Variants in MYO5B observed in about 807,000 individuals in gnomAD.
The protein encoded by MYO5B is myosin VB, also known as unconventional myosin-Vb.
MYO5B carries 143 observed loss-of-function variants against 229.3 expected under a neutral mutation model. That is an observed-to-expected ratio of 0.62 (90% CI 0.54 to 0.72). The LOEUF is 0.72. Ranked by LOEUF, MYO5B falls within the 30% of genes least tolerant of loss-of-function variation. MYO5B has a pLI of 0.00. For synonymous variants in MYO5B, 918 were observed against 885.2 expected, an observed-to-expected ratio of 1.04 and a Z score of -0.66; for missense variants, 2,321 against 2,331.0, an observed-to-expected ratio of 1.00 and a Z score of 0.09.
intron 16 of MYO5B, among the ~76,000 whole-genome samples, chr18:49,930,574 A>C (rs1045645907): frequency 6.6e-6 from 1 of 152,192 alleles, no homozygotes; most frequent in Non-Finnish European, 1.5e-5. Context: ...CAATTGTCTG[A>C]GGTTGTTAAA....
At chr18:49,886,230 C>T (rs74727961) in intron 22 of MYO5B, among the ~76,000 whole-genome samples, 2,103 of 152,236 alleles carry the variant, frequency 0.014, 43 homozygotes, top group African/African-American at 0.048. Flanking sequence ...TATGAGCCAC[C>T]GGCACCTGAC....
At chr18:49,876,569 C>G (rs940825384) in intron 25 of MYO5B, among the ~76,000 whole-genome samples, 9 of 152,222 alleles carry the variant, frequency 5.9e-5, no homozygotes, top group Non-Finnish European at 1.5e-5. Context: ...GTTTAACCAG[C>G]ACTGGACCAG....
At chr18:49,952,133 C>T (rs1974410) in intron 14 of MYO5B, among the ~76,000 whole-genome samples, 53,499 of 152,160 alleles carry the variant, frequency 0.35, 10,518 homozygotes, top group Middle Eastern at 0.58. Context: ...CCCCTCACCA[C>T]GTGATAGAAC....
In MYO5B at chr18:49,984,761, A is replaced by G; in HGVS notation, c.903T>C (p.Asp301=). The G allele has an allele frequency of 1.2e-6, 2 of 1,613,974 alleles. No individual in the cohort carries two copies. The highest frequency in any genetic ancestry group is 2.2e-5 in the South Asian group (2 of 91,074). Residue 301 remains aspartate (D), a synonymous_variant, in exon 8 of 40, where the codon GAT becomes GAC. Transcript: ENST00000285039. ...GGDTSIEGVD[D]AEDFEKTRQA... is the part of the protein sequence containing the mutation. ...GTCGAGTCTTCTCAAAGTCCTCAGC[A>G]TCGTCCACACCCTCGATGGAAGTGT...
In MYO5B at chr18:50,183,333, ATATATC is replaced by A. The variant is rs1251324944; in HGVS notation, c.27+11428_27+11433del. On this transcript the variant is annotated intron_variant, in intron 1 of 39. Coordinates refer to ENST00000285039, the MANE Select transcript of MYO5B (RefSeq NM_001080467.3). ...TATATATATATATATATATATATAT[ATATATC>A]TCCTTCAATACTATTCATTTTGTTT... Among the ~76,000 whole-genome samples, 79 of 116,568 alleles carry A rather than the reference ATATATC, an allele frequency of 6.8e-4. No homozygotes were observed. The East Asian group carries it at 8.5e-3, about 13-fold the overall frequency. 76.5% of individuals were successfully genotyped at this position (116,568 alleles called of 152,430 possible).
At chr18:49,852,431 G>C (rs1205475257) in intron 31 of MYO5B, among the ~76,000 whole-genome samples, 1 of 152,234 alleles carries the variant, frequency 6.6e-6, no homozygotes, top group Non-Finnish European at 1.5e-5. Context: ...AAGAGAGGGA[G>C]AGAGAGGGAG....
intron 7 of MYO5B, among the ~76,000 whole-genome samples, chr18:49,988,555 C>T (rs1279162971): frequency 2.6e-5 from 4 of 152,144 alleles, no homozygotes; most frequent in Non-Finnish European, 4.4e-5. Flanking sequence ...GGATTTCTTC[C>T]CCATTACCTT....
chr18:50,027,384 C>T (rs916219386), intron 4 of MYO5B, among the ~76,000 whole-genome samples: 19 of 152,158 alleles, frequency 1.2e-4, no homozygotes, highest in African/African-American at 4.6e-4. Context: ...ATGTTCAGTG[C>T]TCCAATACTT....
intron 2 of MYO5B, among the ~76,000 whole-genome samples, chr18:50,041,076 G>A (rs1275119755): frequency 6.6e-6 from 1 of 152,150 alleles, no homozygotes; most frequent in Non-Finnish European, 1.5e-5. Flanking sequence ...ATTTAAACAG[G>A]AGGAACTTGG....
intron 14 of MYO5B, among the ~76,000 whole-genome samples, chr18:49,941,343 G>A (rs186541310): frequency 6.6e-6 from 1 of 152,286 alleles, no homozygotes; most frequent in Admixed American, 6.5e-5. Flanking sequence ...CATTCTCACT[G>A]CTGGCTATTC....
intron 22 of MYO5B, among the ~76,000 whole-genome samples, chr18:49,893,046 C>T (rs2024733581): frequency 6.6e-6 from 1 of 152,172 alleles, no homozygotes; most frequent in Non-Finnish European, 1.5e-5. Context: ...CTCTGTTTTG[C>T]TCCTCCAATG....
intron 1 of MYO5B, chr18:50,097,186 T>A (rs2031567626): frequency 4.4e-6 from 2 of 454,958 alleles, no homozygotes; most frequent in African/African-American, 4.0e-5. Flanking sequence ...TTTCCTCCCA[T>A]CCCCATTCCC....
intron 5 of MYO5B, among the ~76,000 whole-genome samples, chr18:49,996,905 TA>T (rs2025993872): frequency 6.6e-6 from 1 of 152,214 alleles, no homozygotes; most frequent in African/African-American, 2.4e-5. Flanking sequence ...AAACAGGAGA[TA>T]AGATTGGTAA....
At chr18:49,882,212 G>C (rs572680077) in intron 22 of MYO5B, among the ~76,000 whole-genome samples, 2 of 152,072 alleles carry the variant, frequency 1.3e-5, no homozygotes, top group Admixed American at 6.6e-5. Context: ...TGGCTGATCC[G>C]TCACCATTCC....
chr18:50,124,220 G>A (rs537968376), intron 1 of MYO5B, among the ~76,000 whole-genome samples: 4 of 152,330 alleles, frequency 2.6e-5, no homozygotes, highest in Admixed American at 1.3e-4. Flanking sequence ...AGTGCAGAGA[G>A]GTTCTGGTAA....
Position 49,992,430 on chromosome 18 carries a change from G to T in MYO5B, c.614C>A (p.Ala205Asp). Reference protein sequence around the residue: ...KVLASSPIMEAIGNAKTTRND... With the variant: ...KVLASSPIMEDIGNAKTTRND... ...GCGGGTGGTCTTGGCATTTCCAATG[G>T]CCTGCACAGACCAGACAGACAAAGG... Residue 205 changes from alanine to aspartate, a missense_variant and splice_region_variant, in exon 6 of 40, where the codon GCC (alanine) becomes GAC (aspartate). This residue lies in a region of MYO5B where 2,113 missense variants were observed against 2,044.7 expected (regional missense o/e 1.03). Coordinates refer to ENST00000285039, the MANE Select transcript of MYO5B (RefSeq NM_001080467.3). The T allele has an allele frequency of 6.2e-7, 1 of 1,614,030 alleles. No homozygotes were observed. The highest frequency in any genetic ancestry group is 8.5e-7 in the Non-Finnish European group (1 of 1,179,994).
rs954575604 is a variant in MYO5B, at chr18:50,013,945, C to G, written c.456-12534G>C. ...GGGAGAACTTCCCACAGGTTACAGC[C>G]TCAGGTGCCGCTGGGTATGCTTGCT... On this transcript the variant is annotated intron_variant, in intron 4 of 39. Transcript: ENST00000285039. 3.3e-5 allele frequency among the ~76,000 whole-genome samples: 5 copies of G among 152,200 alleles called. No homozygotes were observed. The South Asian group carries it at 1.0e-3, about 31-fold the overall frequency.
intron 1 of MYO5B, among the ~76,000 whole-genome samples, chr18:50,124,134 C>T (rs1219352024): frequency 6.6e-6 from 1 of 152,232 alleles, no homozygotes; most frequent in Non-Finnish European, 1.5e-5. Context: ...GATTAACACA[C>T]AATGTCCTTA....
At chr18:50,153,770 A>T (rs2032636832) in intron 1 of MYO5B, among the ~76,000 whole-genome samples, 1 of 152,140 alleles carries the variant, frequency 6.6e-6, no homozygotes, top group South Asian at 2.1e-4. Flanking sequence ...TATGGAAATA[A>T]AATCAACTCT....
Sources: gnomAD v4.1 joint callset for allele counts (sites outside exome capture counted in the v4.1 genomes callset) on GRCh38, gnomAD v4.1.1 for gene constraint, gnomAD v4.1.1 regional missense constraint, MANE v1.5 for transcripts, NCBI Gene and HGNC (gene_info 2026-07-23, HGNC 2026-07-21) for gene names.